MKRN2: variants seen among roughly 807,000 people sequenced by gnomAD.
The protein encoded by MKRN2 is makorin ring finger protein 2, also known as E3 ubiquitin-protein ligase makorin-2.
MKRN2 carries 32 observed loss-of-function variants against 45.4 expected under a neutral mutation model. That is an observed-to-expected ratio of 0.70 (90% CI 0.53 to 0.95). The LOEUF (loss-of-function observed/expected upper bound fraction) is 0.95, where lower values mean the gene tolerates loss of function less well. Among genes scored for constraint, MKRN2 ranks in the 40% least tolerant of loss-of-function variants. The pLI, the probability that MKRN2 is intolerant of heterozygous loss-of-function variation, is 0.00. For missense variants in MKRN2, 526 were observed against 536.7 expected, an observed-to-expected ratio of 0.98 and a Z score of 0.20; for synonymous variants, 206 against 192.4, an observed-to-expected ratio of 1.07 and a Z score of -0.59.
intron 6 of MKRN2, among the ~76,000 whole-genome samples, chr3:12,581,244 A>C (rs1437532444): frequency 6.6e-6 from 1 of 152,242 alleles, no homozygotes; most frequent in African/African-American, 2.4e-5. Flanking sequence ...TCCAAAGCAC[A>C]TAAGGCGTGA....
rs561577705 is a variant in MKRN2 at position 12,576,945 on chromosome 3, T to G, written c.968+204T>G. 438 of 267,478 alleles carry G rather than the reference T, an allele frequency of 1.6e-3. 4 individuals are homozygous for G. The highest frequency in any genetic ancestry group is 2.5e-3 in the Non-Finnish European group (368 of 145,302). 16.6% of individuals were successfully genotyped at this position (267,478 alleles called of 1,614,324 possible). A position where few individuals can be genotyped will look rare whatever the true frequency, so the allele number is the denominator to read the frequency against. On this transcript the variant is annotated intron_variant, in intron 6 of 7. Coordinates refer to ENST00000170447, the MANE Select transcript of MKRN2 (RefSeq NM_014160.5). ...GTTTAGTTTTGGTGTTTTTTTTTTT[T>G]TTTTTTTTTTTTCGGTGAGATAGGG...
Position 12,572,301 on chromosome 3 carries a change from G to A in MKRN2, c.570G>A (p.Gly190=). 1.2e-6 allele frequency: 2 copies of A among 1,612,888 alleles called. No homozygotes were observed. Among genetic ancestry groups the A allele is most frequent in the South Asian group, 2.2e-5 (2 of 91,054 alleles). Residue 190 remains glycine, a synonymous_variant, in exon 4 of 8, where the codon GGG becomes GGA. Coordinates refer to ENST00000170447, the MANE Select transcript of MKRN2 (RefSeq NM_014160.5). The stretch of plus-strand genomic sequence containing the variant: ...GGGATGCCTGTGTCTACCTGCACGG[G>A]GAGGTGTGTGAAATCTGTAGGCTGC... ...RFGDACVYLH[G]EVCEICRLQV...
At chr3:12,570,808 G>A (rs930985881) in intron 3 of MKRN2, among the ~76,000 whole-genome samples, 3 of 150,802 alleles carry the variant, frequency 2.0e-5, no homozygotes, top group Non-Finnish European at 4.4e-5. Context: ...TCTTGAACCC[G>A]GGAGGCAAAG....
At chr3:12,577,659 G>A (rs2058150149) in intron 6 of MKRN2, among the ~76,000 whole-genome samples, 1 of 141,248 alleles carries the variant, frequency 7.1e-6, no homozygotes, top group African/African-American at 2.7e-5. Flanking sequence ...ATTCTGTTAT[G>A]GTTTATCTGT....
At chr3:12,577,248 C>T (rs2058147571) in intron 6 of MKRN2, 1 of 151,824 alleles carries the variant, frequency 6.6e-6, no homozygotes, top group Admixed American at 6.6e-5. Context: ...CTCAAATGTT[C>T]CTCTTTATCC....
At chr3:12,566,438 T>C (rs2058069350) in intron 1 of MKRN2, among the ~76,000 whole-genome samples, 1 of 142,334 alleles carries the variant, frequency 7.0e-6, no homozygotes, top group South Asian at 2.1e-4. Context: ...TCCTTGGTAG[T>C]CAGAAGCAAG....
chr3:12,557,581 A>G (rs948815389), intron 1 of MKRN2, among the ~76,000 whole-genome samples: 4 of 152,276 alleles, frequency 2.6e-5, no homozygotes, highest in African/African-American at 9.6e-5. Flanking sequence ...ACATAGGAGT[A>G]ATTTGTTAAT....
At chr3:12,566,836 C>T (rs1342912288) in intron 1 of MKRN2, among the ~76,000 whole-genome samples, 3 of 152,072 alleles carry the variant, frequency 2.0e-5, no homozygotes, top group African/African-American at 7.2e-5. Context: ...CTCCTGACCT[C>T]TGGTCATCCA....
At position 12,582,639 on chromosome 3, in the gene MKRN2, C is replaced by G. The variant is rs2058193027; in HGVS notation, c.*386C>G. The G allele has an allele frequency of 2.1e-5, 4 of 193,150 alleles. No homozygotes were observed. The highest frequency in any genetic ancestry group is 4.6e-5 in the African/African-American group (2 of 43,298). 12.0% of individuals were successfully genotyped at this position (193,150 alleles called of 1,614,324 possible). A position where few individuals can be genotyped will look rare whatever the true frequency, so the allele number is the denominator to read the frequency against. ...CCCTAATGCAGCATATTTTTCTTAC[C>G]AAAGGAGTCTTCAGCCCTATAAAAG... On this transcript the variant is annotated 3_prime_UTR_variant, in exon 8 of 8. Coordinates refer to ENST00000170447, the MANE Select transcript of MKRN2 (RefSeq NM_014160.5).
At chr3:12,557,875 C>T (rs944512713) in intron 1 of MKRN2, among the ~76,000 whole-genome samples, 1 of 152,160 alleles carries the variant, frequency 6.6e-6, no homozygotes, top group South Asian at 2.1e-4. Flanking sequence ...AGAAATGCGA[C>T]GGTAATGGAT....
intron 1 of MKRN2, among the ~76,000 whole-genome samples, chr3:12,566,181 C>T (rs1272984891): frequency 1.3e-5 from 2 of 152,148 alleles, no homozygotes; most frequent in African/African-American, 4.8e-5. Flanking sequence ...AGAATCCCTG[C>T]AGCCTCCCTA....
In MKRN2 at chr3:12,576,648, G is replaced by T; in HGVS notation, c.875G>T (p.Arg292Leu). 1 of 1,603,398 alleles carries T rather than the reference G, an allele frequency of 6.2e-7. No individual in the cohort carries two copies. Among genetic ancestry groups the T allele is most frequent in the Non-Finnish European group, 8.5e-7 (1 of 1,170,884 alleles). ...NPIIKSCPEC[R>L]VISEFVIPSV... ...TATTTCAGGTCTTGTCCAGAATGCC[G>T]TGTGATATCAGAGTTTGTAATTCCA... The change falls in exon 6 of 8, where the codon CGT becomes CTT. Residue 292 changes from arginine (R) to leucine (L), a missense_variant. By Grantham distance (102) the Arg-to-Leu change is moderately radical. Coordinates refer to ENST00000170447, the MANE Select transcript of MKRN2 (RefSeq NM_014160.5).
intron 3 of MKRN2, 22 bp downstream of exon 3, chr3:12,570,274 G>GTTGCGTCTTT: frequency 1.9e-6 from 3 of 1,604,806 alleles, no homozygotes; most frequent in Non-Finnish European, 2.6e-6. Context: ...GAAGCCTTTT[G>GTTGCGTCTTT]TTGCGTCTTT....
Position 12,582,243 on chromosome 3 carries a change from C to T in MKRN2, c.1241C>T (p.Ser414Leu). The change falls in exon 8 of 8, where the codon TCA (serine) becomes TTA (leucine). Residue 414 changes from serine to leucine, a missense_variant. By Grantham distance (145) the Ser-to-Leu change is moderately radical. Transcript: ENST00000170447. Reference protein sequence around the residue: ...LFMHLSGVESSEP With the variant: ...LFMHLSGVESLEP The stretch of plus-strand genomic sequence containing the variant: ...ATGCACCTTTCTGGAGTGGAATCAT[C>T]AGAACCCTAAAGAGTAGATGGTTGC... 1 of 1,614,104 alleles carries T rather than the reference C, an allele frequency of 6.2e-7. No homozygotes were observed. Among genetic ancestry groups the T allele is most frequent in the Non-Finnish European group, 8.5e-7 (1 of 1,180,020 alleles).
intron 6 of MKRN2, among the ~76,000 whole-genome samples, chr3:12,577,889 C>T (rs1419107133): frequency 6.6e-6 from 1 of 152,064 alleles, no homozygotes; most frequent in Non-Finnish European, 1.5e-5. Flanking sequence ...GTTAGCCTGG[C>T]TGGTCTCAAA....
intron 5 of MKRN2, 53 bp downstream of exon 5, chr3:12,575,059 A>C (rs2058123057): frequency 1.3e-6 from 2 of 1,542,260 alleles, no homozygotes; most frequent in Admixed American, 3.4e-5. Context: ...GTTTGATTTG[A>C]GACTTTATTC....
At position 12,582,347 on chromosome 3, in the gene MKRN2, C is replaced by T. The variant is rs952208854; in HGVS notation, c.*94C>T. On this transcript the variant is annotated 3_prime_UTR_variant, in exon 8 of 8. Transcript: ENST00000170447. ...CTTCCCTGTACTGCAGCCAAGGTGA[C>T]GTGTGACTTGGATTTGAGTGGAGTT... is the stretch of plus-strand genomic sequence containing the variant. The T allele has an allele frequency of 4.1e-5, 62 of 1,506,118 alleles. 1 individual carries two copies. Among genetic ancestry groups the T allele is most frequent in the South Asian group, 2.2e-4 (19 of 84,564 alleles). The allele number at this position is 1,506,118 out of a possible 1,614,324, so 93.3% of individuals were successfully genotyped here.
At chr3:12,564,953 T>G (rs1326841190) in intron 1 of MKRN2, among the ~76,000 whole-genome samples, 1 of 152,240 alleles carries the variant, frequency 6.6e-6, no homozygotes, top group Non-Finnish European at 1.5e-5. Context: ...GTGCCAGTAC[T>G]TCTTTCCTTT....
In MKRN2 at chr3:12,574,900, G is replaced by C. The variant is rs1356461625; in HGVS notation, c.751G>C (p.Ala251Pro). ...CMEVILEKAS[A>P]SERRFGILSN... ...GGAAGTGATCCTGGAGAAGGCCTCT[G>C]CTTCTGAGAGGAGATTTGGGATTCT... The change falls in exon 5 of 8, where the codon GCT becomes CCT. Residue 251 changes from alanine to proline, a missense_variant. Ala to Pro is a conservative substitution (Grantham distance 27). Transcript: ENST00000170447. 2 of 1,614,214 alleles carry C rather than the reference G, an allele frequency of 1.2e-6. No individual in the cohort carries two copies. Among genetic ancestry groups the C allele is most frequent in the Admixed American group, 3.3e-5 (2 of 60,030 alleles).
Sources: allele counts gnomAD v4.1 joint callset (sites outside exome capture counted in the v4.1 genomes callset), GRCh38; gene constraint gnomAD v4.1.1; transcripts MANE v1.5; gene names NCBI Gene and HGNC (gene_info 2026-07-23, HGNC 2026-07-21).